Variants in TENM3 observed in about 807,000 individuals in gnomAD.
TENM3 encodes teneurin transmembrane protein 3, also known as teneurin-3.
A neutral mutation model predicts 255.1 loss-of-function variants in TENM3; 63 were observed. The observed-to-expected ratio is 0.25, with a 90% CI of 0.20 to 0.30. The LOEUF is 0.30. Among genes scored for constraint, TENM3 ranks in the 10% least tolerant of loss-of-function variants. TENM3 has a pLI of 1.00. For synonymous variants in TENM3, 1,306 were observed against 1,322.3 expected (o/e 0.99, Z 0.27); for missense variants, 2,929 against 3,461.1 (o/e 0.85, Z 3.86).
At chr4:182,694,720 C>T (rs1240179058) in intron 12 of TENM3, among the ~76,000 whole-genome samples, 1 of 152,176 alleles carries the variant, frequency 6.6e-6, no homozygotes, top group Non-Finnish European at 1.5e-5. Flanking sequence ...CTCTGTTAAA[C>T]ACCAGGGCTG....
the TENM3 span, among the ~76,000 whole-genome samples, chr4:182,080,313 GT>G: frequency 6.6e-6 from 1 of 152,060 alleles, no homozygotes; most frequent in Non-Finnish European, 1.5e-5. Context: ...TAAAAAAGAT[GT>G]TATAGAAATA....
chr4:181,613,279 G>A, the TENM3 span, among the ~76,000 whole-genome samples: 3 of 152,168 alleles, frequency 2.0e-5, no homozygotes, highest in African/African-American at 4.8e-5. Flanking sequence ...TTAAATATTT[G>A]AGACATGTTT....
chr4:182,302,076 G>A (rs992825165), intron 1 of TENM3, among the ~76,000 whole-genome samples: 4 of 152,136 alleles, frequency 2.6e-5, no homozygotes, highest in African/African-American at 9.7e-5. Flanking sequence ...AGAGTGTCTG[G>A]ATTAATTGCT....
At chr4:182,416,688 T>C (rs1019944662) in intron 3 of TENM3, among the ~76,000 whole-genome samples, 2 of 152,208 alleles carry the variant, frequency 1.3e-5, no homozygotes, top group Non-Finnish European at 2.9e-5. Context: ...CTTCCCAAAG[T>C]AACTATAACA....
chr4:182,169,596 T>C (rs1014829689), intron 1 of TENM3, among the ~76,000 whole-genome samples: 1 of 152,172 alleles, frequency 6.6e-6, no homozygotes. Context: ...TTTCCAGTAA[T>C]AATGAGAAAC....
chr4:182,756,344 G>A (rs56333796), intron 22 of TENM3, among the ~76,000 whole-genome samples: 8,833 of 152,212 alleles, frequency 0.058, 407 homozygotes, highest in Admixed American at 0.13. Flanking sequence ...GTGGTGGCCC[G>A]GGCACTGTGC....
chr4:182,367,187 A>T (rs1766486306), intron 3 of TENM3, among the ~76,000 whole-genome samples: 1 of 152,226 alleles, frequency 6.6e-6, no homozygotes, highest in African/African-American at 2.4e-5. Flanking sequence ...TAAGTGTAGC[A>T]GGACAGCAGT....
intron 3 of TENM3, among the ~76,000 whole-genome samples, chr4:182,583,333 CTGTGTG>C (rs3073440): frequency 0.18 from 25,185 of 143,408 alleles, 2,494 homozygotes; most frequent in East Asian, 0.25. Flanking sequence ...GCTTAAACCT[CTGTGTG>C]TGTGTGTGTG....
chr4:182,736,742 TA>T, intron 16 of TENM3, 65 bp from the exon 17 acceptor site: 7 of 1,404,870 alleles, frequency 5.0e-6, no homozygotes, highest in Non-Finnish European at 5.8e-6. Flanking sequence ...ATGTGCTACA[TA>T]AATATATTTT....
chr4:182,483,861 G>T (rs1355529095), intron 3 of TENM3, among the ~76,000 whole-genome samples: 1 of 152,024 alleles, frequency 6.6e-6, no homozygotes, highest in Non-Finnish European at 1.5e-5. Context: ...AGGGAGAAGT[G>T]CTACCCATTC....
At chr4:181,630,365 T>A in the TENM3 span, among the ~76,000 whole-genome samples, 1 of 152,198 alleles carries the variant, frequency 6.6e-6, no homozygotes, top group East Asian at 1.9e-4. Flanking sequence ...TTTAGTTATT[T>A]ATTGCCTTCC....
intron 18 of TENM3, among the ~76,000 whole-genome samples, chr4:182,740,628 C>T (rs915207822): frequency 6.6e-6 from 1 of 152,070 alleles, no homozygotes; most frequent in Non-Finnish European, 1.5e-5. Context: ...GATTACGAAT[C>T]AATAGGAAAA....
At chr4:181,966,351 C>G in the TENM3 span, among the ~76,000 whole-genome samples, 21 of 152,108 alleles carry the variant, frequency 1.4e-4, no homozygotes, top group African/African-American at 5.1e-4. Context: ...TGGTAGGGAG[C>G]CATATGGTGG....
the TENM3 span, among the ~76,000 whole-genome samples, chr4:182,000,362 GC>G: frequency 3.3e-5 from 5 of 151,984 alleles, no homozygotes; most frequent in African/African-American, 4.8e-5. Flanking sequence ...GATCACCACA[GC>G]CCTTCTCTAG....
At chr4:181,913,572 G>T in the TENM3 span, among the ~76,000 whole-genome samples, 1 of 152,092 alleles carries the variant, frequency 6.6e-6, no homozygotes, top group Non-Finnish European at 1.5e-5. Flanking sequence ...GCAAGGGTAC[G>T]AGTCAGAGTG....
At chr4:182,571,035 A>C (rs72701954) in intron 3 of TENM3, among the ~76,000 whole-genome samples, 16,142 of 152,160 alleles carry the variant, frequency 0.11, 1,082 homozygotes, top group Non-Finnish European at 0.15. Context: ...ATGATTTTTA[A>C]CTAAATGCTA....
Position 182,800,183 on chromosome 4 carries a change from G to C in TENM3, c.7932G>C (p.Glu2644Asp). 2.0e-6 allele frequency: 3 copies of C among 1,538,296 alleles called. No individual in the cohort carries two copies. The highest frequency in any genetic ancestry group is 2.6e-6 in the Non-Finnish European group (3 of 1,152,032). Residue 2644 changes from glutamate to aspartate, a missense_variant, in exon 28 of 28, where the codon GAG becomes GAC. This residue lies in a region of TENM3 where 476 missense variants were observed against 480.1 expected (regional missense o/e 0.99). Coordinates refer to ENST00000511685, the MANE Select transcript of TENM3 (RefSeq NM_001080477.4). ...AREQQRVRDG[E>D]EGARLWTEGE... ...AGCAGCAGCGCGTGCGCGACGGCGA[G>C]GAGGGCGCGCGCCTCTGGACGGAGG...
the TENM3 span, among the ~76,000 whole-genome samples, chr4:181,797,629 T>A: frequency 6.6e-6 from 1 of 152,186 alleles, no homozygotes; most frequent in Non-Finnish European, 1.5e-5. Context: ...CAGAAGGACT[T>A]GAGCCCAAGA....
rs560347565 is a variant in TENM3 at position 182,581,475 on chromosome 4, C to T, written c.512-19449C>T. ...AAAATAGGCCGGGTGCAGTGACTCA[C>T]GCCTGTAATCCCAGCACTTTGGGAG... On this transcript the variant is annotated intron_variant, in intron 3 of 27. Transcript: ENST00000511685. 2.6e-4 allele frequency among the ~76,000 whole-genome samples: 40 copies of T among 152,258 alleles called. No homozygotes were observed. The South Asian group carries it at 8.1e-3, about 31-fold the overall frequency.
Sources: allele counts gnomAD v4.1 joint callset (sites outside exome capture counted in the v4.1 genomes callset), GRCh38; gene constraint gnomAD v4.1.1; regional missense constraint gnomAD v4.1.1; transcripts MANE v1.5; gene names NCBI Gene and HGNC (gene_info 2026-07-23, HGNC 2026-07-21).